ZC3HC1: variants seen among roughly 807,000 people sequenced by gnomAD.
The protein encoded by ZC3HC1 is zinc finger C3HC-type protein 1.
ZC3HC1 carries 38 observed loss-of-function variants against 61.9 expected under a neutral mutation model. The ratio of observed to expected loss-of-function variants is 0.61; its 90% CI spans 0.47 to 0.81. The LOEUF (loss-of-function observed/expected upper bound fraction) is 0.81. Among genes scored for constraint, ZC3HC1 ranks in the 30% least tolerant of loss-of-function variants. ZC3HC1 has a pLI of 0.00. For synonymous variants in ZC3HC1, 213 were observed against 229.9 expected (o/e 0.93, Z 0.67); for missense variants, 554 against 622.7 (o/e 0.89, Z 1.17).
intron 1 of ZC3HC1, among the ~76,000 whole-genome samples, 188 bp from the exon 2 acceptor site, chr7:130,049,332 A>T (rs1284559363): frequency 6.6e-6 from 1 of 152,158 alleles, no homozygotes; most frequent in East Asian, 1.9e-4. Flanking sequence ...TACTAAATAA[A>T]ATCCAAATTT....
At chr7:130,041,717 T>G (rs898206038) in intron 2 of ZC3HC1, among the ~76,000 whole-genome samples, 4 of 151,568 alleles carry the variant, frequency 2.6e-5, no homozygotes, top group Admixed American at 1.3e-4. Context: ...TTAATAGAGA[T>G]AGGGTTTCAT....
At chr7:130,043,030 C>T (rs553049404) in intron 2 of ZC3HC1, among the ~76,000 whole-genome samples, 1 of 152,184 alleles carries the variant, frequency 6.6e-6, no homozygotes, top group Admixed American at 6.5e-5. Flanking sequence ...GGCCCCAGCA[C>T]TTTGGGAGGC....
At chr7:130,020,071 T>G (rs972856464) in intron 9 of ZC3HC1, among the ~76,000 whole-genome samples, 6 of 151,924 alleles carry the variant, frequency 3.9e-5, no homozygotes, top group Non-Finnish European at 7.4e-5. Context: ...TGCCTCGGCC[T>G]CCCAAAGTGC....
intron 2 of ZC3HC1, among the ~76,000 whole-genome samples, chr7:130,045,058 T>A (rs954237541): frequency 6.6e-6 from 1 of 152,210 alleles, no homozygotes; most frequent in African/African-American, 2.4e-5. Flanking sequence ...AAGAATGTTA[T>A]TAGTATAACT....
chr7:130,039,336 C>G, intron 4 of ZC3HC1, 128 bp downstream of exon 4: 3 of 799,182 alleles, frequency 3.8e-6, no homozygotes, highest in Non-Finnish European at 5.9e-6. Context: ...AAGAGTGAAA[C>G]TCCATCTCAA....
Position 130,049,135 on chromosome 7 carries a change from C to T in ZC3HC1, c.156G>A (p.Thr52=), listed in dbSNP as rs776722206. 1.1e-5 allele frequency: 17 copies of T among 1,594,978 alleles called. No individual in the cohort carries two copies. The highest frequency in any genetic ancestry group is 4.6e-5 in the East Asian group (2 of 43,930). The change falls in exon 2 of 10, where the codon ACG becomes ACA. Residue 52 remains threonine, a synonymous_variant. Transcript: ENST00000358303. ...PEEGGVDAKD[T]SATSQSVNGS... is the part of the protein sequence containing the mutation. ...CATTAACTGACTGGGATGTGGCAGA[C>T]GTGTCCTTCCTAATATAAAGTGGCA...
intron 4 of ZC3HC1, among the ~76,000 whole-genome samples, chr7:130,031,116 G>A (rs1168123604): frequency 4.0e-5 from 6 of 151,648 alleles, no homozygotes; most frequent in Non-Finnish European, 8.8e-5. Flanking sequence ...GATCACCTGA[G>A]GTCGGGAGTT....
intron 4 of ZC3HC1, among the ~76,000 whole-genome samples, chr7:130,034,291 C>G (rs2116719756): frequency 6.6e-6 from 1 of 151,018 alleles, no homozygotes; most frequent in South Asian, 2.1e-4. Flanking sequence ...TGAGACTATC[C>G]TGGCTAACAC....
chr7:130,022,495 T>G lies in ZC3HC1; in HGVS notation c.1264A>C (p.Thr422Pro). ...DTSSRSFFDP[T>P]SQHRDWCPWV... ...GGGCACCAGTCTCTATGCTGAGAGGTGGGATCAAAGAAGCTTCGGGAAGAT... is the reference window on the plus strand; with the variant it reads ...GGGCACCAGTCTCTATGCTGAGAGGGGGGATCAAAGAAGCTTCGGGAAGAT... The change falls in exon 9 of 10, where the codon ACC becomes CCC. Residue 422 changes from threonine to proline, a missense_variant. By Grantham distance (38) the Thr-to-Pro change is conservative. Coordinates refer to ENST00000358303, the MANE Select transcript of ZC3HC1 (RefSeq NM_016478.5). 1.2e-6 allele frequency: 2 copies of G among 1,613,502 alleles called. No individual in the cohort carries two copies. Among genetic ancestry groups the G allele is most frequent in the Non-Finnish European group, 1.7e-6 (2 of 1,179,750 alleles).
chr7:130,051,019 G>A (rs118071947), intron 1 of ZC3HC1, among the ~76,000 whole-genome samples: 4 of 152,118 alleles, frequency 2.6e-5, no homozygotes, highest in East Asian at 1.9e-4. Context: ...ACAAAATTTC[G>A]GCTGCGGTTG....
chr7:130,048,997 C>A (rs770985100), intron 2 of ZC3HC1, 36 bp downstream of exon 2: 5 of 1,511,378 alleles, frequency 3.3e-6, no homozygotes, highest in Non-Finnish European at 4.5e-6. Flanking sequence ...TAGAAGCAGG[C>A]AGAAAGTGCA....
chr7:130,042,146 T>C (rs935110411), intron 2 of ZC3HC1, among the ~76,000 whole-genome samples: 1 of 151,208 alleles, frequency 6.6e-6, no homozygotes, highest in Non-Finnish European at 1.5e-5. Context: ...CTATTGAAAA[T>C]CAAAAAATTA....
chr7:130,020,676 A>C (rs939504530), intron 9 of ZC3HC1, among the ~76,000 whole-genome samples: 1 of 152,154 alleles, frequency 6.6e-6, no homozygotes, highest in Admixed American at 6.6e-5. Flanking sequence ...CCGAAAAAAA[A>C]AGTCCTGGAA....
intron 3 of ZC3HC1, 61 bp downstream of exon 3, chr7:130,040,890 G>A (rs918011570): frequency 1.3e-5 from 18 of 1,419,516 alleles, no homozygotes; most frequent in Admixed American, 2.6e-5. Context: ...TCCCCCCCCA[G>A]AAAACCAGGA....
chr7:130,020,847 G>T (rs1410784778), intron 9 of ZC3HC1, among the ~76,000 whole-genome samples: 1 of 151,922 alleles, frequency 6.6e-6, no homozygotes, highest in Non-Finnish European at 1.5e-5. Context: ...TTTTTTTTCT[G>T]TGAAAACTTG....
At chr7:130,041,199 T>TG in intron 2 of ZC3HC1, 98 bp from the exon 3 acceptor site, 1 of 1,389,310 alleles carries the variant, frequency 7.2e-7, no homozygotes, top group African/African-American at 1.5e-5. Context: ...GTTTTTTTTT[T>TG]GTTTTTGAGA....
chr7:130,038,414 T>C (rs1794505150), intron 4 of ZC3HC1, among the ~76,000 whole-genome samples: 1 of 152,242 alleles, frequency 6.6e-6, no homozygotes, highest in Non-Finnish European at 1.5e-5. Context: ...CCATTATTGC[T>C]GTTAGTACTC....
intron 2 of ZC3HC1, chr7:130,045,599 T>C (rs1040054008): frequency 6.7e-6 from 3 of 450,252 alleles, no homozygotes; most frequent in Middle Eastern, 3.3e-4. Context: ...TGCTGCACTT[T>C]CCTTTATAAG....
intron 2 of ZC3HC1, among the ~76,000 whole-genome samples, chr7:130,045,957 G>C (rs958637395): frequency 2.0e-5 from 3 of 146,890 alleles, no homozygotes; most frequent in Non-Finnish European, 4.5e-5. Context: ...CAATCTCTTT[G>C]ATACTATGCA....
Sources: allele counts gnomAD v4.1 joint callset (sites outside exome capture counted in the v4.1 genomes callset), GRCh38; gene constraint gnomAD v4.1.1; transcripts MANE v1.5; gene names NCBI Gene and HGNC (gene_info 2026-07-23, HGNC 2026-07-21).